ADGRA3: variants seen among roughly 807,000 people sequenced by gnomAD.
ADGRA3 encodes G-protein coupled receptor 125.
A neutral mutation model predicts 119.8 loss-of-function variants in ADGRA3; 56 were observed. The ratio of observed to expected loss-of-function variants is 0.47; its 90% CI spans 0.38 to 0.58. The LOEUF (loss-of-function observed/expected upper bound fraction) is 0.58. Ranked by LOEUF, ADGRA3 falls within the 20% of genes least tolerant of loss-of-function variation. ADGRA3 has a pLI of 0.00. For synonymous variants in ADGRA3, 607 were observed against 623.8 expected (o/e 0.97, Z 0.40); for missense variants, 1,516 against 1,649.0 (o/e 0.92, Z 1.40).
chr4:22,491,280 T>G (rs1303970004), intron 1 of ADGRA3, among the ~76,000 whole-genome samples: 1 of 152,212 alleles, frequency 6.6e-6, no homozygotes, highest in Non-Finnish European at 1.5e-5. Flanking sequence ...CGGCAAATAC[T>G]TTGGGCTTTG....
Position 22,400,534 on chromosome 4 carries a change from T to C in ADGRA3, c.2481+897A>G, listed in dbSNP as rs546111819. Reference sequence around the variant, plus strand: ...GAAGAAAATGGTGACTGCCATAAGATTGGAGGAGAAGAAAAAAGGGGTCGT... The same window carrying C: ...GAAGAAAATGGTGACTGCCATAAGACTGGAGGAGAAGAAAAAAGGGGTCGT... On this transcript the variant is annotated intron_variant, in intron 16 of 18. Coordinates refer to ENST00000334304, the MANE Select transcript of ADGRA3 (RefSeq NM_145290.4). 1.9e-4 allele frequency among the ~76,000 whole-genome samples: 29 copies of C among 152,028 alleles called. No homozygotes were observed. The South Asian group carries it at 4.2e-3, about 22-fold the overall frequency.
chr4:22,476,647 T>C (rs975302458), intron 1 of ADGRA3, among the ~76,000 whole-genome samples: 2 of 151,510 alleles, frequency 1.3e-5, no homozygotes, highest in Admixed American at 1.3e-4. Flanking sequence ...ATTAATTTAT[T>C]CTTTTTGGGT....
intron 2 of ADGRA3, among the ~76,000 whole-genome samples, chr4:22,469,554 G>A (rs1717783659): frequency 6.6e-6 from 1 of 152,094 alleles, no homozygotes; most frequent in Non-Finnish European, 1.5e-5. Flanking sequence ...TGTAACTCTA[G>A]CCCAAACATA....
chr4:22,415,999 GT>G (rs1466790220), intron 12 of ADGRA3, among the ~76,000 whole-genome samples: 2 of 152,142 alleles, frequency 1.3e-5, no homozygotes, highest in East Asian at 1.9e-4. Flanking sequence ...GATATAGAGA[GT>G]GGCCTAGGGT....
chr4:22,392,567 G>T lies in ADGRA3; in HGVS notation c.2605C>A (p.Pro869Thr). 6.2e-7 allele frequency: 1 copy of T among 1,613,954 alleles called. No individual in the cohort carries two copies. Among genetic ancestry groups the T allele is most frequent in the Non-Finnish European group, 8.5e-7 (1 of 1,179,884 alleles). Residue 869 changes from proline (P) to threonine (T), a missense_variant, in exon 17 of 19, where the codon CCT (proline) becomes ACT (threonine). Around this residue, in one of 2 missense-constraint regions of ADGRA3, gnomAD observed 1,088 missense variants for 1,107.1 expected, o/e 0.98. Coordinates refer to ENST00000334304, the MANE Select transcript of ADGRA3 (RefSeq NM_145290.4). Reference protein sequence around the residue: ...KRCQDPDEPPPPPRPMLRFYL... With the variant: ...KRCQDPDEPPTPPRPMLRFYL... Reference sequence around the variant, plus strand: ...TACCTGAGCATTGGTCTTGGTGGAGGTGGTGGTTCATCAGGATCCTGGCAT... The same window carrying T: ...TACCTGAGCATTGGTCTTGGTGGAGTTGGTGGTTCATCAGGATCCTGGCAT...
chr4:22,438,377 A>T lies in ADGRA3; in HGVS notation c.964T>A (p.Trp322Arg). 6.2e-7 allele frequency: 1 copy of T among 1,613,844 alleles called. No homozygotes were observed. Among genetic ancestry groups the T allele is most frequent in the Non-Finnish European group, 8.5e-7 (1 of 1,179,830 alleles). The change falls in exon 8 of 19, where the codon TGG (tryptophan) becomes AGG (arginine). Residue 322 changes from tryptophan to arginine, a missense_variant. Transcript: ENST00000334304. Reference protein sequence around the residue: ...SNIQAGSTGNWGCHVQTKRGN... With the variant: ...SNIQAGSTGNRGCHVQTKRGN... ...CGTTTGGTCTGGACATGACAGCCCC[A>T]ATTTCCAGTAGATCCAGCCTGAATA...
At chr4:22,511,836 T>A (rs1262962908) in intron 1 of ADGRA3, among the ~76,000 whole-genome samples, 1 of 151,304 alleles carries the variant, frequency 6.6e-6, no homozygotes, top group Non-Finnish European at 1.5e-5. Context: ...ACTTCCAACC[T>A]ATCATTTCCT....
intron 10 of ADGRA3, among the ~76,000 whole-genome samples, chr4:22,429,291 C>G (rs1303711862): frequency 2.0e-5 from 3 of 152,172 alleles, no homozygotes; most frequent in Admixed American, 2.0e-4. Flanking sequence ...GGACTGAGTA[C>G]TCTGGAGAAC....
chr4:22,392,463 C>T, intron 17 of ADGRA3, 82 bp downstream of exon 17: 1 of 1,519,846 alleles, frequency 6.6e-7, no homozygotes, highest in Non-Finnish European at 9.0e-7. Flanking sequence ...TCCCAAAATT[C>T]ACTCAGCAAT....
chr4:22,510,493 T>A, intron 1 of ADGRA3, among the ~76,000 whole-genome samples: 1 of 152,150 alleles, frequency 6.6e-6, no homozygotes, highest in South Asian at 2.1e-4. Flanking sequence ...TGTTCCTCTA[T>A]GTTCTAGTGT....
At chr4:22,487,149 T>C (rs1718458179) in intron 1 of ADGRA3, among the ~76,000 whole-genome samples, 1 of 152,194 alleles carries the variant, frequency 6.6e-6, no homozygotes, top group African/African-American at 2.4e-5. Context: ...TCCTCTAACA[T>C]GTTTTCACTA....
At chr4:22,511,985 C>T (rs1719465717) in intron 1 of ADGRA3, among the ~76,000 whole-genome samples, 1 of 150,476 alleles carries the variant, frequency 6.6e-6, no homozygotes, top group Non-Finnish European at 1.5e-5. Context: ...CAACCTCCGC[C>T]TCCCGGGTTC....
intron 3 of ADGRA3, among the ~76,000 whole-genome samples, chr4:22,459,956 C>A (rs1717382070): frequency 1.3e-5 from 2 of 152,160 alleles, no homozygotes; most frequent in Non-Finnish European, 2.9e-5. Flanking sequence ...AAATCCCAGT[C>A]CCTGACCGGC....
At chr4:22,508,671 A>G (rs1253226013) in intron 1 of ADGRA3, among the ~76,000 whole-genome samples, 2 of 152,068 alleles carry the variant, frequency 1.3e-5, no homozygotes, top group Non-Finnish European at 2.9e-5. Flanking sequence ...CCTTGGCTGC[A>G]CTCATCTGGC....
chr4:22,492,634 T>G (rs113011223), intron 1 of ADGRA3, among the ~76,000 whole-genome samples: 2,641 of 152,294 alleles, frequency 0.017, 38 homozygotes, highest in South Asian at 0.057. Context: ...AACAGAGACA[T>G]AACATAAGAA....
Position 22,435,434 on chromosome 4 carries a change from T to A in ADGRA3, c.1320A>T (p.Thr440=). 1 of 1,606,834 alleles carries A rather than the reference T, an allele frequency of 6.2e-7. No homozygotes were observed. The highest frequency in any genetic ancestry group is 8.5e-7 in the Non-Finnish European group (1 of 1,174,506). The change falls in exon 10 of 19, where the codon ACA becomes ACT. Residue 440 remains threonine, a synonymous_variant. Coordinates refer to ENST00000334304, the MANE Select transcript of ADGRA3 (RefSeq NM_145290.4). ...CAGTGTAAGCCAGTAACTGTCGAGC[T>A]GTTGCCACGGCATTGGTAAGATTGA... The part of the protein sequence containing the change: ...MPLNLTNAVA[T]ARQLLAYTVE...
chr4:22,419,506 C>T (rs987033227), intron 12 of ADGRA3, among the ~76,000 whole-genome samples: 1 of 152,046 alleles, frequency 6.6e-6, no homozygotes, highest in Non-Finnish European at 1.5e-5. Context: ...GATAGAATGG[C>T]ATGAAATTGA....
Position 22,438,249 on chromosome 4 carries a change from C to T in ADGRA3, c.1085+7G>A. The stretch of plus-strand genomic sequence containing the variant: ...AAACTTTTCCCCGTATTTTCCACAA[C>T]ACTGACCTGAAGTCACCTTTGTTGT... On this transcript the variant is annotated splice_region_variant and intron_variant, in intron 8 of 18. Coordinates refer to ENST00000334304, the MANE Select transcript of ADGRA3 (RefSeq NM_145290.4). The T allele has an allele frequency of 6.2e-7, 1 of 1,608,266 alleles. No homozygotes were observed. Among genetic ancestry groups the T allele is most frequent in the Non-Finnish European group, 8.5e-7 (1 of 1,176,966 alleles).
chr4:22,446,045 T>C (rs887321132), intron 5 of ADGRA3, among the ~76,000 whole-genome samples: 4 of 152,122 alleles, frequency 2.6e-5, no homozygotes, highest in Admixed American at 2.0e-4. Flanking sequence ...ATAACTAAAA[T>C]AGAATGCAAC....
Sources: gnomAD v4.1 joint callset for allele counts (sites outside exome capture counted in the v4.1 genomes callset) on GRCh38, gnomAD v4.1.1 for gene constraint, gnomAD v4.1.1 regional missense constraint, MANE v1.5 for transcripts, NCBI Gene and HGNC (gene_info 2026-07-23, HGNC 2026-07-21) for gene names.